S100A13: variants seen among roughly 807,000 people sequenced by gnomAD.
The protein encoded by S100A13 is protein S100-A13.
In S100A13, 6 loss-of-function variants were observed where a neutral mutation model predicts 8.2. The ratio of observed to expected loss-of-function variants is 0.73; its 90% CI spans 0.40 to 1.44. The LOEUF is 1.44. S100A13 is among the 40% of genes most tolerant of loss of function. S100A13 has a pLI of 0.02. For synonymous variants in S100A13, 39 were observed against 45.9 expected (o/e 0.85, Z 0.61); for missense variants, 114 against 113.6 (o/e 1.00, Z -0.02).
chr1:153,618,887 AG>A lies in S100A13; in HGVS notation c.*7del. ...CTGCCCTGCCCACCCCATCTCAGCCAGGCGGCTTTACTTCTTCCTGATCTTC... is the reference window on the plus strand; with the variant it reads ...CTGCCCTGCCCACCCCATCTCAGCCAGCGGCTTTACTTCTTCCTGATCTTC... On this transcript the variant is annotated 3_prime_UTR_variant, in exon 3 of 3. Transcript: ENST00000476133. 6.2e-7 allele frequency: 1 copy of A among 1,613,910 alleles called. No homozygotes were observed.
upstream of S100A13, chr1:153,630,466 C>T (rs759365979): frequency 6.2e-7 from 1 of 1,603,092 alleles, no homozygotes; most frequent in South Asian, 1.1e-5. Flanking sequence ...CCCAGGTACT[C>T]CGGGCCTGGT....
rs1283885643 is a variant in S100A13 at position 153,618,986 on chromosome 1, G to C, written c.206C>G (p.Ser69Trp). 1 of 1,613,588 alleles carries C rather than the reference G, an allele frequency of 6.2e-7. No individual in the cohort carries two copies. The highest frequency in any genetic ancestry group is 8.5e-7 in the Non-Finnish European group (1 of 1,179,730). The stretch of plus-strand genomic sequence containing the variant: ...CCAGTACTCATTGAACTTGAGCTCC[G>C]AGTCCTGATTCACATCCAAGCTCTT... ...KMKSLDVNQD[S>W]ELKFNEYWRL... Residue 69 changes from serine to tryptophan, a missense_variant, in exon 3 of 3, where the codon TCG (serine) becomes TGG (tryptophan). Coordinates refer to ENST00000476133, the MANE Select transcript of S100A13 (RefSeq NM_001024211.2).
In S100A13 at chr1:153,626,244, TCGG is replaced by T. The variant is rs1667611544; in HGVS notation, c.153+73_153+75del. 5 of 1,362,692 alleles carry T rather than the reference TCGG, an allele frequency of 3.7e-6. No homozygotes were observed. In the African/African-American group the frequency reaches 5.7e-5, roughly 16 times the overall value. 84.4% of individuals were successfully genotyped at this position (1,362,692 alleles called of 1,614,324 possible). A position where few individuals can be genotyped will look rare whatever the true frequency, so the allele number is the denominator to read the frequency against. Reference sequence around the variant, plus strand: ...CTTTCTTGTGGTCACCTCACCGTACTCGGCACCATCACGTCCTAAACACAGTGT... The same window carrying T: ...CTTTCTTGTGGTCACCTCACCGTACTCACCATCACGTCCTAAACACAGTGT... On this transcript the variant is annotated intron_variant, in intron 2 of 2. Transcript: ENST00000476133.
In S100A13 at chr1:153,619,050, C is replaced by A. The variant is rs201293562; in HGVS notation, c.154-12G>T. 6.2e-7 allele frequency: 1 copy of A among 1,611,444 alleles called. No individual in the cohort carries two copies. ...AGAGAGCCCACATCCTGAGGAGACA[C>A]CAAAGGGAAGGGTAGAGTTAGAAAC... On this transcript the variant is annotated splice_polypyrimidine_tract_variant and intron_variant, in intron 2 of 2. Transcript: ENST00000476133.
rs917962517 is a variant in S100A13 at position 153,626,562 on chromosome 1, A to C, written c.-61-29T>G. 5 of 1,337,354 alleles carry C rather than the reference A, an allele frequency of 3.7e-6. No homozygotes were observed. In the African/African-American group the frequency reaches 5.8e-5, roughly 15 times the overall value. 82.8% of individuals were successfully genotyped at this position (1,337,354 alleles called of 1,614,324 possible). A position where few individuals can be genotyped will look rare whatever the true frequency, so the allele number is the denominator to read the frequency against. Reference sequence around the variant, plus strand: ...TGGAAGAGAGAAGGAGCAGAGAGGGAGAGTCAGGGAGCCCCAAGATGCAGG... The same window carrying C: ...TGGAAGAGAGAAGGAGCAGAGAGGGCGAGTCAGGGAGCCCCAAGATGCAGG... On this transcript the variant is annotated intron_variant, in intron 1 of 2. Transcript: ENST00000476133.
chr1:153,626,707 C>A (rs1007608464), intron 1 of S100A13, 174 bp from the exon 2 acceptor site: 6 of 468,738 alleles, frequency 1.3e-5, no homozygotes, highest in Admixed American at 3.3e-5. Flanking sequence ...GCAACGGCAT[C>A]TCAGTTTTGG....
intron 2 of S100A13, among the ~76,000 whole-genome samples, chr1:153,625,124 G>C (rs977889920): frequency 1.3e-5 from 2 of 152,136 alleles, no homozygotes; most frequent in Admixed American, 6.5e-5. Context: ...TGTGGTCCCA[G>C]CTACTTGTGA....
chr1:153,619,112 A>C, intron 2 of S100A13, 74 bp from the exon 3 acceptor site: 3 of 1,366,458 alleles, frequency 2.2e-6, no homozygotes, highest in Non-Finnish European at 3.1e-6. Flanking sequence ...AAGAACTGTC[A>C]GCTGCTATTC....
chr1:153,632,022 C>T, upstream of S100A13: 1 of 636,044 alleles, frequency 1.6e-6, no homozygotes, highest in South Asian at 2.0e-5. Context: ...TCATTAAAGG[C>T]TTCTCTCTCA....
chr1:153,621,498 C>T (rs1235721979), intron 2 of S100A13, among the ~76,000 whole-genome samples: 1 of 151,502 alleles, frequency 6.6e-6, no homozygotes, highest in Non-Finnish European at 1.5e-5. Flanking sequence ...ACTGGCTGGG[C>T]ATGGTGGCTC....
At chr1:153,630,716 G>A (rs1393518256), upstream of S100A13, 4 of 1,594,720 alleles carry the variant, frequency 2.5e-6, no homozygotes, top group African/African-American at 2.7e-5. Context: ...GGGGGAATGG[G>A]GTGGACACCC....
chr1:153,619,079 G>A (rs748495582), intron 2 of S100A13, 41 bp from the exon 3 acceptor site: 56 of 1,586,348 alleles, frequency 3.5e-5, no homozygotes, highest in East Asian at 6.7e-5. Context: ...TAGAAACTGG[G>A]GTTCTTGAGA....
chr1:153,623,037 C>T (rs189108055), intron 2 of S100A13, among the ~76,000 whole-genome samples: 15 of 151,768 alleles, frequency 9.9e-5, no homozygotes, highest in Non-Finnish European at 1.3e-4. Flanking sequence ...CTGCAGTGAA[C>T]TGTAATCACG....
upstream of S100A13, chr1:153,628,996 C>T: frequency 6.3e-6 from 1 of 158,850 alleles, no homozygotes; most frequent in Admixed American, 6.0e-5. Flanking sequence ...CAGGGCAAAG[C>T]TCCCATGATA....
At chr1:153,633,239 C>G (rs2101659594), upstream of S100A13, 1 of 152,008 alleles carries the variant, frequency 6.6e-6, no homozygotes, top group Non-Finnish European at 1.5e-5. Flanking sequence ...TCCTAGGAGT[C>G]GGGAGGCTGA....
chr1:153,620,240 T>C (rs1399578798), intron 2 of S100A13, among the ~76,000 whole-genome samples: 1 of 151,734 alleles, frequency 6.6e-6, no homozygotes, highest in Admixed American at 6.6e-5. Context: ...TGAGCAGAGA[T>C]CGCGCCATTG....
chr1:153,626,539 G>A lies in S100A13; in HGVS notation c.-61-6C>T. 6.5e-7 allele frequency: 1 copy of A among 1,534,452 alleles called. No individual in the cohort carries two copies. The highest frequency in any genetic ancestry group is 9.0e-7 in the Non-Finnish European group (1 of 1,115,446). On this transcript the variant is annotated splice_region_variant and splice_polypyrimidine_tract_variant and intron_variant, in intron 1 of 2. Transcript: ENST00000476133. ...TGACCTTTGTCAGGGCTGACCTGTGGAAGAGAGAAGGAGCAGAGAGGGAGA... is the reference window on the plus strand; with the variant it reads ...TGACCTTTGTCAGGGCTGACCTGTGAAAGAGAGAAGGAGCAGAGAGGGAGA...
chr1:153,633,371 A>C (rs1456158760), upstream of S100A13, among the ~76,000 whole-genome samples: 1 of 152,062 alleles, frequency 6.6e-6, no homozygotes, highest in African/African-American at 2.4e-5. Context: ...AACAAATCAG[A>C]GAGAGAAAAG....
At chr1:153,624,722 T>G (rs775251516) in intron 2 of S100A13, among the ~76,000 whole-genome samples, 2 of 152,116 alleles carry the variant, frequency 1.3e-5, no homozygotes, top group Non-Finnish European at 2.9e-5. Context: ...GAGGATCACT[T>G]GAGGCCTAGA....
Sources: allele counts gnomAD v4.1 joint callset (sites outside exome capture counted in the v4.1 genomes callset), GRCh38; gene constraint gnomAD v4.1.1; transcripts MANE v1.5; gene names NCBI Gene and HGNC (gene_info 2026-07-23, HGNC 2026-07-21).